The following CSF2RA variants were observed in gnomAD, a reference collection of about 807,000 sequenced individuals.
The protein encoded by CSF2RA is granulocyte-macrophage colony-stimulating factor receptor subunit alpha.
In CSF2RA, 42 loss-of-function variants were observed where a neutral mutation model predicts 51.6. The ratio of observed to expected loss-of-function variants is 0.81; its 90% CI spans 0.64 to 1.05. The LOEUF (loss-of-function observed/expected upper bound fraction) is 1.05, where lower values mean the gene tolerates loss of function less well. CSF2RA is among the 50% of genes least tolerant of loss of function. The probability of loss-of-function intolerance (pLI) is 0.00; values close to 1 mark genes in which losing one functional copy is unlikely to be tolerated. For synonymous variants in CSF2RA, 222 were observed against 193.0 expected, an observed-to-expected ratio of 1.15 and a Z score of -1.24; for missense variants, 530 against 501.1, an observed-to-expected ratio of 1.06 and a Z score of -0.55.
In CSF2RA at chrX:1,290,324, T is replaced by C; in HGVS notation, c.474-13T>C. ...TTTCCTGATTGCTCTCTGAGCACTTTCTAATCTTTCAGGAGAAGGAGGGAG... is the reference window on the plus strand; with the variant it reads ...TTTCCTGATTGCTCTCTGAGCACTTCCTAATCTTTCAGGAGAAGGAGGGAG... On this transcript the variant is annotated splice_polypyrimidine_tract_variant and intron_variant, in intron 6 of 12. Transcript: ENST00000381529. 1 of 1,611,514 alleles carries C rather than the reference T, an allele frequency of 6.2e-7. No individual in the cohort carries two copies. The highest frequency in any genetic ancestry group is 1.3e-5 in the African/African-American group (1 of 75,002).
At chrX:1,283,879 T>C (rs1243379330) in intron 3 of CSF2RA, among the ~76,000 whole-genome samples, 5 of 152,026 alleles carry the variant, frequency 3.3e-5, no homozygotes, top group African/African-American at 4.8e-5. Flanking sequence ...TCTTGTTTGT[T>C]GACTTCTTAA....
chrX:1,283,175 C>A (rs770762877), intron 3 of CSF2RA, among the ~76,000 whole-genome samples: 2 of 112,874 alleles, frequency 1.8e-5, no homozygotes, highest in African/African-American at 6.7e-5. Flanking sequence ...TCGTTCCTTC[C>A]TTCCTTCCTT....
downstream of CSF2RA, among the ~76,000 whole-genome samples, chrX:1,315,343 T>C (rs1228895350): frequency 5.3e-5 from 8 of 152,114 alleles, no homozygotes; most frequent in Middle Eastern, 6.8e-3. Flanking sequence ...TAACAGATAA[T>C]AGCTAGATAC....
chrX:1,314,160 G>A, downstream of CSF2RA, among the ~76,000 whole-genome samples: 1 of 150,126 alleles, frequency 6.7e-6, no homozygotes. Flanking sequence ...GGAATGGGTG[G>A]GCAGAGGCTG....
chrX:1,289,120 C>A (rs1261860189), intron 6 of CSF2RA: 2 of 581,022 alleles, frequency 3.4e-6, no homozygotes, highest in Admixed American at 5.9e-5. Flanking sequence ...CGCCACCACA[C>A]CAGGCCACAT....
chrX:1,324,842 C>G, the CSF2RA span, among the ~76,000 whole-genome samples: 9 of 152,192 alleles, frequency 5.9e-5, no homozygotes, highest in Non-Finnish European at 1.3e-4. Flanking sequence ...GAGGTGCAGA[C>G]TCTGAGGACC....
At chrX:1,292,756 G>A (rs1283181080) in intron 7 of CSF2RA, among the ~76,000 whole-genome samples, 1 of 152,112 alleles carries the variant, frequency 6.6e-6, no homozygotes, top group Non-Finnish European at 1.5e-5. Context: ...TTTACACGGA[G>A]ACATTCCATT....
chrX:1,316,770 T>C, the CSF2RA span, among the ~76,000 whole-genome samples: 1 of 152,190 alleles, frequency 6.6e-6, no homozygotes, highest in Non-Finnish European at 1.5e-5. Flanking sequence ...AGTCATGCCG[T>C]GGGGAGCAAG....
chrX:1,287,369 G>A (rs183044251), intron 4 of CSF2RA, among the ~76,000 whole-genome samples: 2,446 of 147,382 alleles, frequency 0.017, 47 homozygotes, highest in South Asian at 0.071. Flanking sequence ...GGCCAGGCTG[G>A]TCTCCAACTC....
chrX:1,294,148 C>G, intron 7 of CSF2RA, 180 bp from the exon 8 acceptor site: 3 of 784,870 alleles, frequency 3.8e-6, no homozygotes, highest in Middle Eastern at 3.7e-4. Context: ...TCCACCTGGA[C>G]CCAGTGTAGT....
the CSF2RA span, among the ~76,000 whole-genome samples, chrX:1,315,686 T>C: frequency 6.6e-6 from 1 of 152,062 alleles, no homozygotes; most frequent in Non-Finnish European, 1.5e-5. Context: ...ATTACAGGCG[T>C]GAGCCACCTT....
the CSF2RA span, among the ~76,000 whole-genome samples, chrX:1,325,170 C>A: frequency 6.7e-6 from 1 of 150,068 alleles, no homozygotes; most frequent in Non-Finnish European, 1.5e-5. Flanking sequence ...ACCAGCCTGG[C>A]CAACGTGTTG....
At chrX:1,269,258 G>C (rs2088013694) in intron 1 of CSF2RA, among the ~76,000 whole-genome samples, 1 of 152,130 alleles carries the variant, frequency 6.6e-6, no homozygotes, top group African/African-American at 2.4e-5. Context: ...CAGGGCGTTG[G>C]GGTGTAGTAT....
At chrX:1,317,657 G>A in the CSF2RA span, among the ~76,000 whole-genome samples, 6 of 148,634 alleles carry the variant, frequency 4.0e-5, no homozygotes, top group Admixed American at 2.0e-4. Flanking sequence ...TTTCTGTAAC[G>A]TGCAAATTTC....
Position 1,305,512 on chromosome X carries a change from T to C in CSF2RA, c.1110T>C (p.His370=), listed in dbSNP as rs760589827. ...PQIKDKLNDN[H]EVEDEIIWEE... is the part of the protein sequence containing the mutation. Reference sequence around the variant, plus strand: ...TCAAAGACAAACTGAATGATAACCATGAGGTGGAAGACGAGGTAGGCAGGG... The same window carrying C: ...TCAAAGACAAACTGAATGATAACCACGAGGTGGAAGACGAGGTAGGCAGGG... Residue 370 remains histidine, a synonymous_variant, in exon 12 of 13, where the codon CAT becomes CAC. Coordinates refer to ENST00000381529, the MANE Select transcript of CSF2RA (RefSeq NM_172245.4). The C allele has an allele frequency of 1.9e-6, 3 of 1,613,676 alleles. No homozygotes were observed. In the African/African-American group the frequency reaches 4.0e-5, roughly 22 times the overall value.
intron 12 of CSF2RA, among the ~76,000 whole-genome samples, chrX:1,308,886 G>A (rs780976348): frequency 4.6e-5 from 7 of 152,206 alleles, no homozygotes; most frequent in African/African-American, 1.4e-4. Flanking sequence ...CCTGTTCATC[G>A]TCAACTATGA....
the CSF2RA span, among the ~76,000 whole-genome samples, chrX:1,315,823 G>C: frequency 2.7e-5 from 2 of 73,192 alleles, no homozygotes; most frequent in East Asian, 2.6e-4. Flanking sequence ...AGATAGATTA[G>C]ATAGATGAAT....
At chrX:1,276,367 T>C (rs1337426042) in intron 2 of CSF2RA, among the ~76,000 whole-genome samples, 1 of 93,868 alleles carries the variant, frequency 1.1e-5, no homozygotes, top group African/African-American at 2.8e-5. Context: ...TATATATTTA[T>C]TTATTTATTT....
downstream of CSF2RA, among the ~76,000 whole-genome samples, chrX:1,315,022 A>ACTGTGCCTGCCCAACCG (rs1569515207): frequency 2.9e-5 from 3 of 103,538 alleles, no homozygotes; most frequent in Admixed American, 9.2e-5. Flanking sequence ...CTGCCCAACC[A>ACTGTGCCTGCCCAACCG]CACTGCACCA....
Sources: gnomAD v4.1 joint callset for allele counts (sites outside exome capture counted in the v4.1 genomes callset) on GRCh38, gnomAD v4.1.1 for gene constraint, MANE v1.5 for transcripts, NCBI Gene and HGNC (gene_info 2026-07-23, HGNC 2026-07-21) for gene names.